The following CDH13 variants were observed in gnomAD, a reference collection of about 807,000 sequenced individuals.
CDH13 encodes cadherin-13.
Under a neutral mutation model 63.8 loss-of-function variants are expected in CDH13, and 24 were observed. That is an observed-to-expected ratio of 0.38 (90% CI 0.27 to 0.53). CDH13 has a LOEUF of 0.53. Ranked by LOEUF, CDH13 falls within the 20% of genes least tolerant of loss-of-function variation. The pLI, the probability that CDH13 is intolerant of heterozygous loss-of-function variation, is 0.85. For missense variants in CDH13, 1,049 were observed against 903.1 expected (o/e 1.16, Z -2.07); for synonymous variants, 503 against 355.3 (o/e 1.42, Z -4.67).
chr16:82,919,882 G>C (rs2042101810), intron 2 of CDH13, among the ~76,000 whole-genome samples: 1 of 152,190 alleles, frequency 6.6e-6, no homozygotes. Flanking sequence ...AGAAATAATA[G>C]TCCTTGCCTT....
At chr16:83,060,092 C>G (rs1425121301) in intron 3 of CDH13, among the ~76,000 whole-genome samples, 1 of 152,088 alleles carries the variant, frequency 6.6e-6, no homozygotes, top group Middle Eastern at 3.2e-3. Flanking sequence ...CCGCACCCGG[C>G]CTACTTTTAC....
chr16:83,748,032 T>A (rs1029235753), intron 10 of CDH13, 76 bp from the exon 11 acceptor site: 1 of 1,510,064 alleles, frequency 6.6e-7, no homozygotes, highest in African/African-American at 1.4e-5. Context: ...GCCTAGGAGC[T>A]CATGCCCTGC....
At chr16:83,564,569 C>T (rs968231136) in intron 7 of CDH13, among the ~76,000 whole-genome samples, 44 of 152,028 alleles carry the variant, frequency 2.9e-4, no homozygotes, top group African/African-American at 9.9e-4. Context: ...CCACCACACC[C>T]AGCTAATTTT....
intron 1 of CDH13, among the ~76,000 whole-genome samples, chr16:82,856,507 G>C (rs557954282): frequency 1.3e-4 from 19 of 151,560 alleles, no homozygotes; most frequent in Non-Finnish European, 1.8e-4. Flanking sequence ...TTTGAGAGCA[G>C]CCTGTGCAAC....
At chr16:83,602,825 A>G (rs1389860473) in intron 8 of CDH13, among the ~76,000 whole-genome samples, 4 of 152,248 alleles carry the variant, frequency 2.6e-5, no homozygotes, top group Non-Finnish European at 5.9e-5. Context: ...GAATCTTGTT[A>G]AAGTCCATAA....
chr16:83,327,876 T>C (rs1366881678), intron 5 of CDH13, among the ~76,000 whole-genome samples: 1 of 152,248 alleles, frequency 6.6e-6, no homozygotes, highest in Non-Finnish European at 1.5e-5. Context: ...CTTACGCCTG[T>C]AATCCCAGCA....
At chr16:82,950,044 T>C (rs960039551) in intron 2 of CDH13, among the ~76,000 whole-genome samples, 7 of 152,116 alleles carry the variant, frequency 4.6e-5, no homozygotes, top group Admixed American at 2.6e-4. Flanking sequence ...TGTGTCTTAG[T>C]TCACTAGGGC....
intron 5 of CDH13, among the ~76,000 whole-genome samples, chr16:83,247,357 G>T (rs1905079377): frequency 6.6e-6 from 1 of 152,162 alleles, no homozygotes; most frequent in Non-Finnish European, 1.5e-5. Context: ...GTTGCAAAGA[G>T]CTGGAAATGA....
chr16:83,038,395 T>C (rs1255557909), intron 3 of CDH13, among the ~76,000 whole-genome samples: 1 of 152,236 alleles, frequency 6.6e-6, no homozygotes, highest in Admixed American at 6.5e-5. Flanking sequence ...GCCTGGCTTA[T>C]GTAAGATCAC....
intron 4 of CDH13, among the ~76,000 whole-genome samples, chr16:83,186,570 T>C (rs1033868481): frequency 2.0e-5 from 3 of 152,186 alleles, no homozygotes; most frequent in African/African-American, 7.2e-5. Flanking sequence ...CTTTTTGTTA[T>C]TTGCTTTATG....
chr16:83,015,696 T>TATATATAC lies in CDH13; in HGVS notation c.158-16307_158-16306insCATATATA, dbSNP rs1280266573. 2.9e-4 allele frequency among the ~76,000 whole-genome samples: 32 copies of TATATATAC among 111,790 alleles called. 1 individual carries two copies. The highest frequency in any genetic ancestry group is 9.9e-4 in the African/African-American group (31 of 31,322). The allele number at this position is 111,790 out of a possible 152,430, so 73.3% of individuals were successfully genotyped here. The stretch of plus-strand genomic sequence containing the variant: ...GTGTATGTATATATATATATATATA[T>TATATATAC]ATATATATATATATATATATATATA... On this transcript the variant is annotated intron_variant, in intron 2 of 13. Transcript: ENST00000567109.
At chr16:83,607,184 G>A (rs1418865431) in intron 8 of CDH13, among the ~76,000 whole-genome samples, 1 of 152,130 alleles carries the variant, frequency 6.6e-6, no homozygotes, top group African/African-American at 2.4e-5. Flanking sequence ...CCGGGAGGCC[G>A]AGGTGGGTGG....
intron 12 of CDH13, among the ~76,000 whole-genome samples, chr16:83,781,916 C>T (rs1915550457): frequency 6.6e-6 from 1 of 151,248 alleles, no homozygotes; most frequent in African/African-American, 2.4e-5. Context: ...CTCATGTACC[C>T]CGGAACTTCA....
intron 2 of CDH13, among the ~76,000 whole-genome samples, chr16:83,014,879 TGTTTG>T: frequency 7.2e-6 from 1 of 139,380 alleles, no homozygotes; most frequent in African/African-American, 2.6e-5. Context: ...TATATATATA[TGTTTG>T]TGTATATATA....
chr16:82,737,360 A>C (rs937983701), intron 1 of CDH13, among the ~76,000 whole-genome samples: 3 of 152,146 alleles, frequency 2.0e-5, no homozygotes, highest in East Asian at 1.9e-4. Flanking sequence ...ATCCATCACT[A>C]TATTTTTCTC....
intron 5 of CDH13, among the ~76,000 whole-genome samples, chr16:83,226,198 T>G (rs889780244): frequency 2.0e-5 from 3 of 152,192 alleles, no homozygotes; most frequent in African/African-American, 7.2e-5. Flanking sequence ...GCACTTCATT[T>G]TATTACAACC....
rs546913026 is a variant in CDH13 at position 83,587,749 on chromosome 16, C to G, written c.961-14705C>G. Among the ~76,000 whole-genome samples the G allele has an allele frequency of 2.0e-5, 3 of 152,216 alleles. No individual in the cohort carries two copies. In the East Asian group the frequency reaches 5.8e-4, roughly 29 times the overall value. The stretch of plus-strand genomic sequence containing the variant: ...ATAAAACGTATTATCTTTTATTACC[C>G]ATACAGAGAATGACATTTTAGATGG... On this transcript the variant is annotated intron_variant, in intron 7 of 13. Coordinates refer to ENST00000567109, the MANE Select transcript of CDH13 (RefSeq NM_001257.5).
intron 5 of CDH13, among the ~76,000 whole-genome samples, chr16:83,296,119 T>A (rs1484987024): frequency 6.6e-6 from 1 of 152,196 alleles, no homozygotes; most frequent in Non-Finnish European, 1.5e-5. Flanking sequence ...GCTTTCCACA[T>A]TCTTAGCATT....
chr16:83,293,136 A>G (rs1441285037), intron 5 of CDH13, among the ~76,000 whole-genome samples: 1 of 152,216 alleles, frequency 6.6e-6, no homozygotes, highest in Non-Finnish European at 1.5e-5. Context: ...AAGATGGGTT[A>G]TCAGCAACAG....
Sources: allele counts gnomAD v4.1 joint callset (sites outside exome capture counted in the v4.1 genomes callset), GRCh38; gene constraint gnomAD v4.1.1; transcripts MANE v1.5; gene names NCBI Gene and HGNC (gene_info 2026-07-23, HGNC 2026-07-21).